The following TMEM132D variants were observed in gnomAD, a reference collection of about 807,000 sequenced individuals.
The protein encoded by TMEM132D is transmembrane protein 132D.
A neutral mutation model predicts 62.3 loss-of-function variants in TMEM132D; 21 were observed. The observed-to-expected ratio is 0.34, with a 90% confidence interval of 0.24 to 0.49. TMEM132D has a LOEUF of 0.49. TMEM132D is among the 20% of genes least tolerant of loss of function. The pLI, the probability that TMEM132D is intolerant of heterozygous loss-of-function variation, is 0.99. For synonymous variants in TMEM132D, 621 were observed against 575.6 expected (o/e 1.08, Z -1.13); for missense variants, 1,346 against 1,402.8 (o/e 0.96, Z 0.65).
At chr12:129,315,409 T>G (rs1340592038) in intron 4 of TMEM132D, among the ~76,000 whole-genome samples, 1 of 152,190 alleles carries the variant, frequency 6.6e-6, no homozygotes, top group African/African-American at 2.4e-5. Flanking sequence ...GATTATGTGA[T>G]TTTTGTTTTT....
intron 5 of TMEM132D, among the ~76,000 whole-genome samples, chr12:129,094,482 A>T (rs1875033770): frequency 6.6e-6 from 1 of 152,250 alleles, no homozygotes; most frequent in African/African-American, 2.4e-5. Context: ...CCACAATGCG[A>T]TACCATCTTA....
At chr12:129,773,577 G>A (rs945441198) in intron 1 of TMEM132D, among the ~76,000 whole-genome samples, 1 of 152,164 alleles carries the variant, frequency 6.6e-6, no homozygotes, top group Non-Finnish European at 1.5e-5. Flanking sequence ...CACTTCTCCC[G>A]AGAACAGAGA....
chr12:129,824,959 T>C (rs1936033553), intron 1 of TMEM132D, among the ~76,000 whole-genome samples: 1 of 152,170 alleles, frequency 6.6e-6, no homozygotes. Flanking sequence ...TATTGATCTT[T>C]AACAACTGTT....
chr12:129,308,883 T>C (rs1317464188), intron 4 of TMEM132D, among the ~76,000 whole-genome samples: 7 of 152,232 alleles, frequency 4.6e-5, no homozygotes, highest in Non-Finnish European at 1.5e-5. Context: ...AGATGGATAT[T>C]GATCAACTTA....
intron 3 of TMEM132D, among the ~76,000 whole-genome samples, chr12:129,524,097 G>A (rs540083708): frequency 1.7e-4 from 26 of 151,980 alleles, no homozygotes; most frequent in Non-Finnish European, 3.5e-4. Flanking sequence ...GGGGGGAGTG[G>A]GGAGGGATAG....
intron 2 of TMEM132D, among the ~76,000 whole-genome samples, chr12:129,558,426 G>GAATTAGA (rs1294505962): frequency 1.3e-5 from 2 of 152,054 alleles, no homozygotes; most frequent in African/African-American, 4.8e-5. Flanking sequence ...TTAAAATGAG[G>GAATTAGA]AATTAGAAAC....
intron 4 of TMEM132D, chr12:129,209,934 T>C (rs1878985810): frequency 2.2e-6 from 1 of 444,600 alleles, no homozygotes; most frequent in Admixed American, 3.5e-5. Context: ...ATATTGTGTT[T>C]GGCAAACACT....
rs1396550332 is a variant in TMEM132D, at chr12:129,530,466, C to CT, written c.1115+592dup. Among the ~76,000 whole-genome samples the CT allele has an allele frequency of 6.6e-5, 10 of 152,304 alleles. No individual in the cohort carries two copies. The East Asian group carries it at 1.9e-3, about 29-fold the overall frequency. ...AGAACTACTGAGTTTCCGAGCCTCCCTTTGCCCAGCTGTGAATTGATTGTT... is the reference window on the plus strand; with the variant it reads ...AGAACTACTGAGTTTCCGAGCCTCCCTTTTGCCCAGCTGTGAATTGATTGTT... On this transcript the variant is annotated intron_variant, in intron 3 of 8. Coordinates refer to ENST00000422113, the MANE Select transcript of TMEM132D (RefSeq NM_133448.3).
At chr12:129,610,514 C>T (rs900394746) in intron 2 of TMEM132D, among the ~76,000 whole-genome samples, 2 of 152,132 alleles carry the variant, frequency 1.3e-5, no homozygotes, top group African/African-American at 2.4e-5. Context: ...ATTAAAACAA[C>T]TCAAAATACT....
chr12:129,556,471 T>C (rs181744558), intron 2 of TMEM132D, among the ~76,000 whole-genome samples: 1 of 151,760 alleles, frequency 6.6e-6, no homozygotes, highest in African/African-American at 2.4e-5. Context: ...TGGAGCTTTT[T>C]TTTTTCCCCC....
At chr12:129,368,202 T>C (rs955371474) in intron 3 of TMEM132D, among the ~76,000 whole-genome samples, 25 of 152,170 alleles carry the variant, frequency 1.6e-4, no homozygotes, top group African/African-American at 5.8e-4. Flanking sequence ...GTAATGTCTG[T>C]CATATGCAGT....
At chr12:129,255,547 T>C (rs1466161788) in intron 4 of TMEM132D, among the ~76,000 whole-genome samples, 1 of 152,330 alleles carries the variant, frequency 6.6e-6, no homozygotes, top group African/African-American at 2.4e-5. Flanking sequence ...GAATAATAAA[T>C]AATTTTAATG....
chr12:129,796,091 T>G (rs1446831056), intron 1 of TMEM132D, among the ~76,000 whole-genome samples: 1 of 152,064 alleles, frequency 6.6e-6, no homozygotes, highest in South Asian at 2.1e-4. Context: ...TCCCAGCACT[T>G]TGGGAGGCTG....
At chr12:129,776,599 T>C (rs1312852998) in intron 1 of TMEM132D, among the ~76,000 whole-genome samples, 2 of 152,084 alleles carry the variant, frequency 1.3e-5, no homozygotes, top group African/African-American at 2.4e-5. Flanking sequence ...GCTTGTATTT[T>C]GGAAAAATTG....
chr12:129,312,408 A>T (rs1489382169), intron 4 of TMEM132D, among the ~76,000 whole-genome samples: 1 of 152,250 alleles, frequency 6.6e-6, no homozygotes, highest in African/African-American at 2.4e-5. Context: ...TTGGACAGGC[A>T]TGTGATAAAA....
intron 4 of TMEM132D, among the ~76,000 whole-genome samples, chr12:129,305,433 C>A (rs950456074): frequency 1.3e-5 from 2 of 152,088 alleles, no homozygotes; most frequent in Non-Finnish European, 1.5e-5. Flanking sequence ...ATGCCACCTG[C>A]AAATAGCAAG....
chr12:129,567,266 A>G (rs1044815900), intron 2 of TMEM132D, among the ~76,000 whole-genome samples: 8 of 152,244 alleles, frequency 5.3e-5, no homozygotes, highest in Non-Finnish European at 1.0e-4. Flanking sequence ...TGGAAGTGCA[A>G]CATCACTAGT....
At chr12:129,466,060 G>A (rs1466201204) in intron 3 of TMEM132D, among the ~76,000 whole-genome samples, 1 of 152,148 alleles carries the variant, frequency 6.6e-6, no homozygotes, top group East Asian at 1.9e-4. Flanking sequence ...TTGAGACAAT[G>A]CAAGTAAATT....
intron 4 of TMEM132D, among the ~76,000 whole-genome samples, chr12:129,280,419 G>A (rs10773628): frequency 0.94 from 143,864 of 152,280 alleles, 68,467 homozygotes; most frequent in East Asian, 1. Flanking sequence ...AAAACAATAT[G>A]ATTACACATA....
Sources: gnomAD v4.1 joint callset for allele counts (sites outside exome capture counted in the v4.1 genomes callset) on GRCh38, gnomAD v4.1.1 for gene constraint, MANE v1.5 for transcripts, NCBI Gene and HGNC (gene_info 2026-07-23, HGNC 2026-07-21) for gene names.